Variants in GALNT14 observed in about 807,000 individuals in gnomAD.
GALNT14 encodes polypeptide N-acetylgalactosaminyltransferase 14.
In GALNT14, 60 loss-of-function variants were observed where a neutral mutation model predicts 77.5. That is an observed-to-expected ratio of 0.77 (90% CI 0.63 to 0.96). GALNT14 has a LOEUF of 0.96. Among genes scored for constraint, GALNT14 ranks in the 40% least tolerant of loss-of-function variants. The probability of loss-of-function intolerance (pLI) is 0.00; values close to 1 mark genes in which losing one functional copy is unlikely to be tolerated. For synonymous variants in GALNT14, 280 were observed against 281.7 expected (o/e 0.99, Z 0.06); for missense variants, 710 against 731.0 (o/e 0.97, Z 0.33).
At chr2:30,889,315 C>A in the GALNT14 span, among the ~76,000 whole-genome samples, 1 of 152,136 alleles carries the variant, frequency 6.6e-6, no homozygotes, top group Non-Finnish European at 1.5e-5. Context: ...AGCAGGACTG[C>A]GGGGTATACT....
chr2:31,083,486 A>AGAG (rs1204552607), intron 1 of GALNT14, among the ~76,000 whole-genome samples: 1 of 152,188 alleles, frequency 6.6e-6, no homozygotes, highest in Non-Finnish European at 1.5e-5. Flanking sequence ...CAAGGAGGGA[A>AGAG]GAGGAGGAGG....
chr2:31,025,609 G>A (rs866138395), intron 1 of GALNT14, among the ~76,000 whole-genome samples: 2 of 152,220 alleles, frequency 1.3e-5, no homozygotes, highest in African/African-American at 4.8e-5. Flanking sequence ...GAAGAGACCA[G>A]AGACCAAGAG....
chr2:30,933,945 AG>A (rs771111829), intron 9 of GALNT14, among the ~76,000 whole-genome samples: 6 of 152,250 alleles, frequency 3.9e-5, no homozygotes, highest in Non-Finnish European at 5.9e-5. Flanking sequence ...AGTTATTATG[AG>A]ACATCCCTCT....
In GALNT14 at chr2:30,992,961, C is replaced by T. The variant is rs1018404705; in HGVS notation, c.176G>A (p.Arg59Gln). The T allele has an allele frequency of 7.4e-6, 12 of 1,614,156 alleles. No individual in the cohort carries two copies. Among genetic ancestry groups the T allele is most frequent in the Admixed American group, 1.7e-5 (1 of 60,028 alleles). Residue 59 changes from arginine to glutamine, a missense_variant, in exon 2 of 15, where the codon CGG becomes CAG. Physicochemically the swap from Arg to Gln is conservative, Grantham distance 43. Transcript: ENST00000349752. ...CCACTTTTTGGCATTCAGATACCGC[C>T]GCTCATCAAACTGGTCCCACAGGTC... ...WDDLWDQFDE[R>Q]RYLNAKKWRV... is the part of the protein sequence containing the mutation.
At chr2:31,094,642 T>G (rs1457476562) in intron 1 of GALNT14, among the ~76,000 whole-genome samples, 6 of 152,254 alleles carry the variant, frequency 3.9e-5, no homozygotes, top group Admixed American at 1.3e-4. Flanking sequence ...GTTGCTCAGC[T>G]TCTTCTCTCC....
At chr2:31,099,385 A>G (rs1455255134) in intron 1 of GALNT14, among the ~76,000 whole-genome samples, 1 of 151,838 alleles carries the variant, frequency 6.6e-6, no homozygotes, top group Non-Finnish European at 1.5e-5. Context: ...TTACTTATGT[A>G]GATTCTTTTT....
chr2:31,067,465 C>T (rs1000087204), intron 1 of GALNT14, among the ~76,000 whole-genome samples: 14 of 152,088 alleles, frequency 9.2e-5, no homozygotes, highest in African/African-American at 3.4e-4. Context: ...AGACTTTGAG[C>T]ATCCTCTTCT....
chr2:31,114,170 C>T (rs968216044), intron 1 of GALNT14, among the ~76,000 whole-genome samples: 1 of 152,106 alleles, frequency 6.6e-6, no homozygotes, highest in African/African-American at 2.4e-5. Flanking sequence ...TCTTAACTGA[C>T]GAGCCACCTT....
At chr2:30,946,310 T>A (rs1041993999) in intron 6 of GALNT14, among the ~76,000 whole-genome samples, 1 of 152,162 alleles carries the variant, frequency 6.6e-6, no homozygotes, top group Admixed American at 6.5e-5. Context: ...CAGTCCCCAG[T>A]GTTGGAGGTG....
chr2:31,108,050 C>G (rs907961349), intron 1 of GALNT14, among the ~76,000 whole-genome samples: 2 of 152,214 alleles, frequency 1.3e-5, no homozygotes, highest in Admixed American at 6.5e-5. Flanking sequence ...TGTCTCATAT[C>G]TCTGGCTGGC....
At chr2:31,014,988 C>T (rs1407923316) in intron 1 of GALNT14, among the ~76,000 whole-genome samples, 3 of 152,188 alleles carry the variant, frequency 2.0e-5, no homozygotes, top group Non-Finnish European at 1.5e-5. Flanking sequence ...CACTCGCTAG[C>T]TTTAAAGAGG....
At chr2:30,912,685 C>T (rs1013058037) in intron 13 of GALNT14, among the ~76,000 whole-genome samples, 4 of 152,136 alleles carry the variant, frequency 2.6e-5, no homozygotes, top group Non-Finnish European at 2.9e-5. Flanking sequence ...GAAAACATCT[C>T]GAGGGGGTCT....
At chr2:31,036,978 T>G (rs1672771704) in intron 1 of GALNT14, among the ~76,000 whole-genome samples, 1 of 152,200 alleles carries the variant, frequency 6.6e-6, no homozygotes, top group East Asian at 1.9e-4. Context: ...TTCCCTGAGT[T>G]TATCCTGTCT....
chr2:30,956,417 C>T lies in GALNT14; in HGVS notation c.467-440G>A, dbSNP rs150692407. Among the ~76,000 whole-genome samples the T allele has an allele frequency of 1.6e-3, 237 of 152,220 alleles. 1 individual carries two copies. The highest frequency in any genetic ancestry group is 5.5e-3 in the African/African-American group (227 of 41,510). ...ATGGGGCACAGGAAATGTTTTGATCCAGGCATGCAATGTGTAATAATCACA... is the reference window on the plus strand; with the variant it reads ...ATGGGGCACAGGAAATGTTTTGATCTAGGCATGCAATGTGTAATAATCACA... On this transcript the variant is annotated intron_variant, in intron 4 of 14. Transcript: ENST00000349752.
At chr2:30,920,302 C>A (rs1664951888) in intron 13 of GALNT14, among the ~76,000 whole-genome samples, 1 of 152,212 alleles carries the variant, frequency 6.6e-6, no homozygotes, top group Non-Finnish European at 1.5e-5. Context: ...ATAGCAACAT[C>A]TACTTAACAG....
At chr2:31,124,728 G>C (rs1311272265) in intron 1 of GALNT14, among the ~76,000 whole-genome samples, 1 of 152,174 alleles carries the variant, frequency 6.6e-6, no homozygotes, top group Non-Finnish European at 1.5e-5. Context: ...TAAAGAGAAA[G>C]GCACCAACCT....
chr2:30,975,416 C>G (rs74420167), intron 2 of GALNT14, among the ~76,000 whole-genome samples: 3,544 of 152,238 alleles, frequency 0.023, 145 homozygotes, highest in East Asian at 0.21. Context: ...AATGTGTCTG[C>G]TCTGAATGGA....
the GALNT14 span, among the ~76,000 whole-genome samples, chr2:30,898,754 G>C: frequency 6.6e-6 from 1 of 152,158 alleles, no homozygotes; most frequent in South Asian, 2.1e-4. Flanking sequence ...CCACTCAGTT[G>C]CTGGGGAGGG....
At chr2:30,984,708 C>T (rs938401329) in intron 2 of GALNT14, among the ~76,000 whole-genome samples, 2 of 152,180 alleles carry the variant, frequency 1.3e-5, no homozygotes, top group Non-Finnish European at 2.9e-5. Flanking sequence ...TAAAATCCTA[C>T]GTGCCCCACT....
Sources: allele counts gnomAD v4.1 joint callset (sites outside exome capture counted in the v4.1 genomes callset), GRCh38; gene constraint gnomAD v4.1.1; transcripts MANE v1.5; gene names NCBI Gene and HGNC (gene_info 2026-07-23, HGNC 2026-07-21).